The following LRMDA variants were observed in gnomAD, a reference collection of about 807,000 sequenced individuals.
The protein encoded by LRMDA is leucine-rich melanocyte differentiation-associated protein.
A neutral mutation model predicts 29.8 loss-of-function variants in LRMDA; 18 were observed. The observed-to-expected ratio is 0.60, with a 90% CI of 0.42 to 0.90. The LOEUF (loss-of-function observed/expected upper bound fraction) is 0.90. Ranked by LOEUF, LRMDA falls within the 40% of genes least tolerant of loss-of-function variation. The probability of loss-of-function intolerance (pLI) is 0.00; values close to 1 mark genes in which losing one functional copy is unlikely to be tolerated. For missense variants in LRMDA, 273 were observed against 273.9 expected (o/e 1.00, Z 0.02); for synonymous variants, 125 against 109.4 (o/e 1.14, Z -0.89).
chr10:76,122,855 G>A (rs992021900), intron 5 of LRMDA, among the ~76,000 whole-genome samples: 5 of 152,122 alleles, frequency 3.3e-5, no homozygotes, highest in Non-Finnish European at 7.3e-5. Context: ...GCATTTAGTA[G>A]ACCATTTTCC....
At chr10:75,981,450 A>T (rs374172111) in intron 2 of LRMDA, among the ~76,000 whole-genome samples, 1 of 152,274 alleles carries the variant, frequency 6.6e-6, no homozygotes, top group East Asian at 1.9e-4. Flanking sequence ...ATCTTCATCT[A>T]TTGAAATAAC....
intron 2 of LRMDA, among the ~76,000 whole-genome samples, chr10:75,721,413 G>A (rs1842565687): frequency 2.0e-5 from 3 of 152,168 alleles, no homozygotes; most frequent in Non-Finnish European, 4.4e-5. Flanking sequence ...TTATTCCAAA[G>A]GTGCCCAACT....
At chr10:75,505,458 A>G (rs185628147) in intron 2 of LRMDA, among the ~76,000 whole-genome samples, 56 of 152,286 alleles carry the variant, frequency 3.7e-4, no homozygotes, top group African/African-American at 9.9e-4. Flanking sequence ...AATCTCTACC[A>G]CAGTGGCACA....
intron 6 of LRMDA, among the ~76,000 whole-genome samples, chr10:76,351,994 A>G (rs1321356280): frequency 6.6e-6 from 1 of 152,104 alleles, no homozygotes; most frequent in Non-Finnish European, 1.5e-5. Context: ...TTTGCCACTT[A>G]TTGACTCTGT....
At chr10:76,157,189 A>G (rs1255150051) in intron 5 of LRMDA, among the ~76,000 whole-genome samples, 1 of 152,222 alleles carries the variant, frequency 6.6e-6, no homozygotes, top group Non-Finnish European at 1.5e-5. Flanking sequence ...ATTTAGGACC[A>G]ATACAAAGAT....
rs115533480 is a variant in LRMDA, at chr10:75,640,257, A to G, written c.131+201763A>G. Among the ~76,000 whole-genome samples the G allele has an allele frequency of 1.0e-3, 158 of 152,240 alleles. 2 individuals carry two copies. Among genetic ancestry groups the G allele is most frequent in the African/African-American group, 3.6e-3 (149 of 41,546 alleles). On this transcript the variant is annotated intron_variant, in intron 2 of 6. Coordinates refer to ENST00000611255, the MANE Select transcript of LRMDA (RefSeq NM_001305581.2). ...CTGATTTTTTTGTTGCATTGCCATC[A>G]TTTTCACCCCAAGATGCTGCTTCCC...
intron 5 of LRMDA, among the ~76,000 whole-genome samples, chr10:76,064,887 G>A (rs979429697): frequency 1.3e-5 from 2 of 152,020 alleles, no homozygotes; most frequent in Admixed American, 1.3e-4. Flanking sequence ...TGTTTTTCTG[G>A]ATGTTTCCAA....
At position 75,569,104 on chromosome 10, in the gene LRMDA, G is replaced by A. The variant is rs114440778; in HGVS notation, c.131+130610G>A. On this transcript the variant is annotated intron_variant, in intron 2 of 6. Transcript: ENST00000611255. ...TTTCTTGAGGGCACGTCTCTTCTCT[G>A]TGGGGCCTCTCCTGGCATATGCCCA... Among the ~76,000 whole-genome samples, 370 of 152,282 alleles carry A rather than the reference G, an allele frequency of 2.4e-3. 5 individuals are homozygous for A. Among genetic ancestry groups the A allele is most frequent in the African/African-American group, 8.8e-3 (366 of 41,560 alleles).
intron 5 of LRMDA, among the ~76,000 whole-genome samples, chr10:76,211,268 G>A (rs1487288543): frequency 1.3e-5 from 2 of 152,166 alleles, no homozygotes; most frequent in East Asian, 1.9e-4. Flanking sequence ...TGTCATTGGT[G>A]CTCTCTCCTC....
At chr10:76,492,242 C>T (rs1842840592) in intron 6 of LRMDA, among the ~76,000 whole-genome samples, 1 of 151,998 alleles carries the variant, frequency 6.6e-6, no homozygotes, top group African/African-American at 2.4e-5. Flanking sequence ...CCTGGATTGT[C>T]TCAATGCTTG....
intron 2 of LRMDA, among the ~76,000 whole-genome samples, chr10:75,682,119 A>G (rs926838905): frequency 1.3e-5 from 2 of 152,164 alleles, no homozygotes; most frequent in Admixed American, 1.3e-4. Flanking sequence ...GAGATGCAAG[A>G]CCTAGGTTGA....
chr10:75,703,203 T>G (rs1409682130), intron 2 of LRMDA, among the ~76,000 whole-genome samples: 5 of 152,242 alleles, frequency 3.3e-5, no homozygotes, highest in East Asian at 1.9e-4. Flanking sequence ...CTTTATCATT[T>G]AAACAGTTCT....
At chr10:76,254,827 A>C (rs536957856) in intron 5 of LRMDA, among the ~76,000 whole-genome samples, 1 of 71,890 alleles carries the variant, frequency 1.4e-5, no homozygotes, top group African/African-American at 7.7e-5. Flanking sequence ...AGTTCATTTT[A>C]TTTTAGAAGT....
At chr10:75,841,342 A>T (rs990935244) in intron 2 of LRMDA, among the ~76,000 whole-genome samples, 4 of 152,186 alleles carry the variant, frequency 2.6e-5, no homozygotes, top group African/African-American at 9.7e-5. Flanking sequence ...ATATACCTGC[A>T]GTTAGGAATG....
At chr10:76,127,536 A>C (rs890182123) in intron 5 of LRMDA, among the ~76,000 whole-genome samples, 20 of 150,786 alleles carry the variant, frequency 1.3e-4, no homozygotes, top group African/African-American at 4.9e-4. Context: ...GGTTTAATTA[A>C]ATGTTATAAA....
intron 2 of LRMDA, among the ~76,000 whole-genome samples, chr10:75,811,087 G>C (rs1843951798): frequency 6.6e-6 from 1 of 152,148 alleles, no homozygotes; most frequent in Non-Finnish European, 1.5e-5. Flanking sequence ...GTACTGAGTA[G>C]ATCCTTAGGA....
At chr10:75,511,522 G>C (rs1023056556) in intron 2 of LRMDA, among the ~76,000 whole-genome samples, 3 of 152,150 alleles carry the variant, frequency 2.0e-5, no homozygotes, top group African/African-American at 7.2e-5. Flanking sequence ...TGTTCGGAAG[G>C]TAGGACCCCA....
At chr10:76,066,673 T>C (rs1403873915) in intron 5 of LRMDA, among the ~76,000 whole-genome samples, 3 of 152,152 alleles carry the variant, frequency 2.0e-5, no homozygotes, top group Admixed American at 6.5e-5. Flanking sequence ...GAGGCAACTT[T>C]GTAATTTCCA....
At chr10:76,209,533 A>C (rs1851598520) in intron 5 of LRMDA, among the ~76,000 whole-genome samples, 1 of 152,154 alleles carries the variant, frequency 6.6e-6, no homozygotes, top group Non-Finnish European at 1.5e-5. Context: ...TGTTACCATG[A>C]TCCATACAAA....
Sources: allele counts gnomAD v4.1 joint callset (sites outside exome capture counted in the v4.1 genomes callset), GRCh38; gene constraint gnomAD v4.1.1; transcripts MANE v1.5; gene names NCBI Gene and HGNC (gene_info 2026-07-23, HGNC 2026-07-21).